The following FHOD3 variants were observed in gnomAD, a reference collection of about 807,000 sequenced individuals.
FHOD3 encodes the protein FH1/FH2 domain-containing protein 3.
In FHOD3, 90 loss-of-function variants were observed where a neutral mutation model predicts 173.0. The ratio of observed to expected loss-of-function variants is 0.52; its 90% CI spans 0.44 to 0.62. The LOEUF is 0.62. Among genes scored for constraint, FHOD3 ranks in the 20% least tolerant of loss-of-function variants. The pLI, the probability that FHOD3 is intolerant of heterozygous loss-of-function variation, is 0.00. For synonymous variants in FHOD3, 828 were observed against 823.0 expected, an observed-to-expected ratio of 1.01 and a Z score of -0.10; for missense variants, 1,945 against 2,034.7, an observed-to-expected ratio of 0.96 and a Z score of 0.85.
intron 3 of FHOD3, among the ~76,000 whole-genome samples, chr18:36,417,715 T>G (rs1342286706): frequency 6.6e-6 from 1 of 152,214 alleles, no homozygotes; most frequent in Non-Finnish European, 1.5e-5. Context: ...TCCATATATT[T>G]CTGTGCTAGT....
chr18:36,439,265 C>T (rs1306712588), intron 3 of FHOD3, among the ~76,000 whole-genome samples: 1 of 152,192 alleles, frequency 6.6e-6, no homozygotes, highest in East Asian at 1.9e-4. Flanking sequence ...AGCTTTTCAG[C>T]CATGTATTTT....
intron 3 of FHOD3, among the ~76,000 whole-genome samples, chr18:36,446,526 C>T (rs559048601): frequency 6.6e-6 from 1 of 151,896 alleles, no homozygotes. Context: ...ATCCACATGT[C>T]CCAGATTGAA....
intron 17 of FHOD3, among the ~76,000 whole-genome samples, chr18:36,694,381 C>A (rs556049379): frequency 6.6e-6 from 1 of 152,278 alleles, no homozygotes; most frequent in African/African-American, 2.4e-5. Flanking sequence ...GCTCTCCAAA[C>A]CTTGGCTCAT....
At chr18:36,361,557 G>A (rs568131895) in intron 2 of FHOD3, among the ~76,000 whole-genome samples, 6 of 151,908 alleles carry the variant, frequency 3.9e-5, no homozygotes, top group African/African-American at 1.4e-4. Flanking sequence ...GTGGTGGCAC[G>A]TGCTTGTAGT....
intron 10 of FHOD3, among the ~76,000 whole-genome samples, chr18:36,636,024 C>A (rs2034857472): frequency 6.6e-6 from 1 of 152,114 alleles, no homozygotes; most frequent in Admixed American, 6.5e-5. Context: ...GGAATGGAAG[C>A]GAACATACCT....
chr18:36,504,556 C>T (rs2055199875), intron 4 of FHOD3, among the ~76,000 whole-genome samples: 2 of 143,352 alleles, frequency 1.4e-5, no homozygotes, highest in Non-Finnish European at 3.0e-5. Context: ...AACACATGGA[C>T]ACAGGAAAGG....
At chr18:36,552,866 G>A (rs1471312364) in intron 5 of FHOD3, among the ~76,000 whole-genome samples, 1 of 152,168 alleles carries the variant, frequency 6.6e-6, no homozygotes, top group Non-Finnish European at 1.5e-5. Context: ...TTGAATAGGA[G>A]TGATGAGAGA....
intron 1 of FHOD3, among the ~76,000 whole-genome samples, chr18:36,355,017 T>C (rs16967786): frequency 0.06 from 9,119 of 152,198 alleles, 880 homozygotes; most frequent in African/African-American, 0.2. Flanking sequence ...TATATTGCCA[T>C]TCAGTTGGAG....
intron 3 of FHOD3, among the ~76,000 whole-genome samples, chr18:36,395,663 A>G (rs986604969): frequency 1.3e-5 from 2 of 152,224 alleles, no homozygotes; most frequent in African/African-American, 2.4e-5. Flanking sequence ...AATTAAGTGT[A>G]TAACAGATAT....
intron 9 of FHOD3, among the ~76,000 whole-genome samples, chr18:36,618,090 AT>A (rs938601157): frequency 3.4e-5 from 5 of 147,830 alleles, no homozygotes; most frequent in South Asian, 2.1e-4. Context: ...TATTTTGTTG[AT>A]TTTTTTTCAA....
At chr18:36,511,216 C>T (rs1044814657) in intron 4 of FHOD3, among the ~76,000 whole-genome samples, 7 of 152,024 alleles carry the variant, frequency 4.6e-5, no homozygotes, top group Non-Finnish European at 1.0e-4. Flanking sequence ...ATCCTAGATG[C>T]GTTTGAGACA....
intron 6 of FHOD3, among the ~76,000 whole-genome samples, chr18:36,583,108 CAAGG>C (rs1339258382): frequency 6.6e-6 from 1 of 152,138 alleles, no homozygotes; most frequent in African/African-American, 2.4e-5. Flanking sequence ...GGGACAGAGA[CAAGG>C]AATGCATAAA....
Position 36,738,540 on chromosome 18 carries a change from T to G in FHOD3, c.3577-2116T>G, listed in dbSNP as rs529669911. Among the ~76,000 whole-genome samples the G allele has an allele frequency of 9.4e-4, 144 of 152,384 alleles. No homozygotes were observed. In the Middle Eastern group the frequency reaches 0.014, roughly 14 times the overall value. ...AACGTGGGTTATAAAAGTTTTCTCC[T>G]ATGTTTTCTTCTAAAAGTTTCATAG... On this transcript the variant is annotated intron_variant, in intron 20 of 28. Transcript: ENST00000590592.
intron 8 of FHOD3, among the ~76,000 whole-genome samples, chr18:36,606,531 A>T (rs2032091790): frequency 6.6e-6 from 1 of 152,170 alleles, no homozygotes; most frequent in Non-Finnish European, 1.5e-5. Flanking sequence ...GGGGCATATT[A>T]AAACCATAGC....
intron 18 of FHOD3, chr18:36,709,768 T>C (rs974493243): frequency 5.6e-6 from 1 of 179,260 alleles, no homozygotes; most frequent in Non-Finnish European, 1.2e-5. Context: ...GCTTTTTCCG[T>C]TTTTGATATA....
intron 5 of FHOD3, among the ~76,000 whole-genome samples, chr18:36,564,480 AC>A (rs1232010868): frequency 6.6e-6 from 1 of 152,140 alleles, no homozygotes; most frequent in East Asian, 1.9e-4. Context: ...GTAATGAAGC[AC>A]CTGTTTCTGT....
intron 3 of FHOD3, among the ~76,000 whole-genome samples, chr18:36,393,229 A>G (rs1298527918): frequency 2.6e-5 from 4 of 152,214 alleles, no homozygotes; most frequent in African/African-American, 7.2e-5. Context: ...AGCATTTATG[A>G]TGGATCTGAA....
At chr18:36,481,565 C>T (rs1230250494) in intron 3 of FHOD3, among the ~76,000 whole-genome samples, 2 of 151,900 alleles carry the variant, frequency 1.3e-5, no homozygotes, top group South Asian at 2.1e-4. Context: ...GTTCTGAAAA[C>T]GGGGACATTT....
At chr18:36,586,195 A>C (rs2059021019) in intron 6 of FHOD3, among the ~76,000 whole-genome samples, 2 of 152,220 alleles carry the variant, frequency 1.3e-5, no homozygotes, top group African/African-American at 4.8e-5. Flanking sequence ...AAGTTTTTGC[A>C]CCAGAGTGAA....
Sources: allele counts gnomAD v4.1 joint callset (sites outside exome capture counted in the v4.1 genomes callset), GRCh38; gene constraint gnomAD v4.1.1; transcripts MANE v1.5; gene names NCBI Gene and HGNC (gene_info 2026-07-23, HGNC 2026-07-21).